STXBP5L: variants seen among roughly 807,000 people sequenced by gnomAD.
STXBP5L encodes the protein syntaxin binding protein 5L, also known as syntaxin-binding protein 5-like.
STXBP5L carries 65 observed loss-of-function variants against 144.5 expected under a neutral mutation model. The ratio of observed to expected loss-of-function variants is 0.45; its 90% CI spans 0.37 to 0.55. The LOEUF is 0.55. Among genes scored for constraint, STXBP5L ranks in the 20% least tolerant of loss-of-function variants. The pLI is 0.00. For synonymous variants in STXBP5L, 505 were observed against 469.6 expected (o/e 1.08, Z -0.97); for missense variants, 1,298 against 1,405.5 (o/e 0.92, Z 1.22).
At chr3:120,947,418 C>T (rs575792194) in intron 2 of STXBP5L, among the ~76,000 whole-genome samples, 79 of 151,798 alleles carry the variant, frequency 5.2e-4, no homozygotes, top group African/African-American at 1.6e-3. Context: ...TCTCATAATA[C>T]GATTTGGTGT....
chr3:120,960,308 G>T (rs201675537), intron 3 of STXBP5L, among the ~76,000 whole-genome samples: 15,109 of 152,152 alleles, frequency 0.099, 1,187 homozygotes, highest in Admixed American at 0.2. Flanking sequence ...TACACTGTTG[G>T]TGGGACTGTA....
At chr3:121,390,713 C>T (rs2046560786) in intron 22 of STXBP5L, among the ~76,000 whole-genome samples, 1 of 152,166 alleles carries the variant, frequency 6.6e-6, no homozygotes, top group Admixed American at 6.5e-5. Context: ...ATATTGGCCC[C>T]CACTCTCTTC....
intron 5 of STXBP5L, among the ~76,000 whole-genome samples, chr3:121,087,848 G>A (rs145934612): frequency 6.6e-6 from 1 of 151,838 alleles, no homozygotes; most frequent in Non-Finnish European, 1.5e-5. Flanking sequence ...TTTTTAAAGA[G>A]GTTGCTATAG....
intron 5 of STXBP5L, among the ~76,000 whole-genome samples, chr3:121,054,548 A>G (rs1420254621): frequency 2.2e-5 from 3 of 133,362 alleles, no homozygotes; most frequent in African/African-American, 5.7e-5. Context: ...ATGAGAACAC[A>G]TGGACACAGG....
At chr3:120,986,804 T>A (rs1004846057) in intron 3 of STXBP5L, among the ~76,000 whole-genome samples, 2 of 151,644 alleles carry the variant, frequency 1.3e-5, no homozygotes, top group African/African-American at 4.8e-5. Context: ...ATACTTTAAA[T>A]AAAAAAATTA....
chr3:121,094,591 C>T (rs1304474108), intron 5 of STXBP5L, among the ~76,000 whole-genome samples: 20 of 151,902 alleles, frequency 1.3e-4, no homozygotes, highest in African/African-American at 4.8e-4. Flanking sequence ...ACTAGGATTG[C>T]AACCCCTGCC....
intron 7 of STXBP5L, among the ~76,000 whole-genome samples, chr3:121,129,516 A>G (rs1478365020): frequency 6.6e-6 from 1 of 151,938 alleles, no homozygotes; most frequent in African/African-American, 2.4e-5. Context: ...CCTAGCTTTT[A>G]TGTGTATAGA....
intron 22 of STXBP5L, among the ~76,000 whole-genome samples, chr3:121,390,477 T>C (rs893091972): frequency 6.6e-6 from 1 of 152,234 alleles, no homozygotes; most frequent in Non-Finnish European, 1.5e-5. Context: ...AGTTTCTTCA[T>C]AGCATCAATG....
intron 18 of STXBP5L, among the ~76,000 whole-genome samples, chr3:121,260,960 C>T (rs2050364287): frequency 6.6e-6 from 1 of 152,112 alleles, no homozygotes; most frequent in Non-Finnish European, 1.5e-5. Flanking sequence ...AAGGAATGGA[C>T]TGTGGGATAG....
intron 20 of STXBP5L, among the ~76,000 whole-genome samples, chr3:121,352,664 AC>A (rs2045338357): frequency 6.6e-6 from 1 of 151,924 alleles, no homozygotes; most frequent in African/African-American, 2.4e-5. Flanking sequence ...CTAATTGAAT[AC>A]CCTTTATTTC....
intron 3 of STXBP5L, among the ~76,000 whole-genome samples, chr3:121,026,046 A>G (rs1159887003): frequency 1.4e-5 from 2 of 147,326 alleles, no homozygotes; most frequent in Non-Finnish European, 3.0e-5. Context: ...ATATATAATT[A>G]TAATTAAATT....
intron 20 of STXBP5L, among the ~76,000 whole-genome samples, chr3:121,351,788 G>C (rs1276983454): frequency 6.6e-6 from 1 of 152,122 alleles, no homozygotes; most frequent in African/African-American, 2.4e-5. Flanking sequence ...TATTGCCTAG[G>C]TTTTCTTCTA....
intron 9 of STXBP5L, among the ~76,000 whole-genome samples, chr3:121,183,773 C>T (rs1307900632): frequency 6.6e-6 from 1 of 152,084 alleles, no homozygotes; most frequent in Non-Finnish European, 1.5e-5. Context: ...GACTGGGAGA[C>T]AGCTTCCAGC....
chr3:120,945,393 A>G (rs529604771), intron 2 of STXBP5L, among the ~76,000 whole-genome samples: 74 of 151,954 alleles, frequency 4.9e-4, no homozygotes, highest in Middle Eastern at 3.4e-3. Flanking sequence ...ATTATTTTCT[A>G]TACATGGTAG....
intron 14 of STXBP5L, among the ~76,000 whole-genome samples, chr3:121,244,682 A>G (rs534302799): frequency 3.7e-4 from 56 of 152,296 alleles, no homozygotes; most frequent in Middle Eastern, 3.4e-3. Flanking sequence ...GAAAGCATCA[A>G]GAAGAAAAGT....
intron 3 of STXBP5L, among the ~76,000 whole-genome samples, chr3:120,973,042 G>A (rs925785711): frequency 1.3e-5 from 2 of 151,878 alleles, no homozygotes; most frequent in Non-Finnish European, 2.9e-5. Context: ...CCTTTTTGTT[G>A]TGTGTCCCTG....
intron 5 of STXBP5L, among the ~76,000 whole-genome samples, chr3:121,075,343 G>A (rs535368620): frequency 6.6e-6 from 1 of 152,220 alleles, no homozygotes; most frequent in Non-Finnish European, 1.5e-5. Flanking sequence ...CCTCTACCAT[G>A]ACTGTGACCA....
Position 121,279,894 on chromosome 3 carries a change from G to A in STXBP5L, c.2048G>A (p.Arg683Lys), listed in dbSNP as rs899822071. 1 of 1,612,506 alleles carries A rather than the reference G, an allele frequency of 6.2e-7. No individual in the cohort carries two copies. The highest frequency in any genetic ancestry group is 1.3e-5 in the African/African-American group (1 of 74,908). The change falls in exon 19 of 27, where the codon AGA becomes AAA. Residue 683 changes from arginine to lysine, a missense_variant. Transcript: ENST00000471454. The part of the protein sequence containing the change: ...LLSMGTIDLY[R>K]SSDLYQRQPR... ...AGCATGGGGACCATTGACCTATATA[G>A]ATCAAGTGACTTATACCAGCGACAA...
At chr3:121,318,632 A>C (rs1486384462) in intron 20 of STXBP5L, 92 bp downstream of exon 20, 2 of 899,974 alleles carry the variant, frequency 2.2e-6, no homozygotes, top group Non-Finnish European at 3.2e-6. Context: ...GAAATTTATA[A>C]TTTTAGTAAT....
Sources: gnomAD v4.1 joint callset for allele counts (sites outside exome capture counted in the v4.1 genomes callset) on GRCh38, gnomAD v4.1.1 for gene constraint, MANE v1.5 for transcripts, NCBI Gene and HGNC (gene_info 2026-07-23, HGNC 2026-07-21) for gene names.